The following CCDC149 variants were observed in gnomAD, a reference collection of about 807,000 sequenced individuals.
CCDC149 encodes coiled-coil domain-containing protein 149.
In CCDC149, 45 loss-of-function variants were observed where a neutral mutation model predicts 59.9. The observed-to-expected ratio is 0.75, with a 90% CI of 0.59 to 0.96. The LOEUF is 0.96. CCDC149 is among the 40% of genes least tolerant of loss of function. CCDC149 has a pLI of 0.00. For synonymous variants in CCDC149, 245 were observed against 260.6 expected (o/e 0.94, Z 0.58); for missense variants, 584 against 664.7 (o/e 0.88, Z 1.33).
chr4:24,804,915 T>C (rs960118773), downstream of CCDC149, among the ~76,000 whole-genome samples: 8 of 152,118 alleles, frequency 5.3e-5, no homozygotes, highest in Non-Finnish European at 8.8e-5. Flanking sequence ...CCAGCCGGCA[T>C]TGAGCTGAGG....
chr4:24,882,008 T>C (rs1265721564), intron 1 of CCDC149, among the ~76,000 whole-genome samples: 1 of 152,154 alleles, frequency 6.6e-6, no homozygotes, highest in African/African-American at 2.4e-5. Flanking sequence ...AAAATCAGAA[T>C]ATTCATGGAG....
At chr4:24,821,195 C>A in intron 10 of CCDC149, 108 bp from the exon 11 acceptor site, 1 of 465,910 alleles carries the variant, frequency 2.1e-6, no homozygotes, top group Non-Finnish European at 3.5e-6. Context: ...CATTTGTTCA[C>A]TCGAGTAACT....
intron 2 of CCDC149, among the ~76,000 whole-genome samples, 194 bp downstream of exon 2, chr4:24,876,324 CACACACACACACACACAG>C (rs1346126238): frequency 2.0e-5 from 3 of 150,706 alleles, no homozygotes; most frequent in African/African-American, 7.4e-5. Flanking sequence ...CACACACACA[CACACACACACACACACAG>C]AGAGAGAGAG....
intron 1 of CCDC149, among the ~76,000 whole-genome samples, chr4:24,969,415 A>G (rs1723896348): frequency 6.6e-6 from 1 of 152,212 alleles, no homozygotes; most frequent in Non-Finnish European, 1.5e-5. Context: ...TGATAGGGGA[A>G]CACATTTCAC....
chr4:24,851,977 G>T (rs929151230), intron 4 of CCDC149, among the ~76,000 whole-genome samples: 1 of 151,606 alleles, frequency 6.6e-6, no homozygotes, highest in African/African-American at 2.4e-5. Context: ...AATCCAAGAG[G>T]TTAAAAAAAT....
intron 1 of CCDC149, among the ~76,000 whole-genome samples, chr4:24,889,724 T>C (rs2109281321): frequency 6.6e-6 from 1 of 152,344 alleles, no homozygotes; most frequent in South Asian, 2.1e-4. Context: ...GGGCTTTCCT[T>C]GTGGGCTGTG....
intron 1 of CCDC149, among the ~76,000 whole-genome samples, chr4:24,905,766 A>G (rs1410882316): frequency 6.6e-6 from 1 of 152,226 alleles, no homozygotes; most frequent in Non-Finnish European, 1.5e-5. Flanking sequence ...ACCCTCCCAA[A>G]TTAAACATGG....
chr4:24,815,067 T>C (rs1488740069), intron 12 of CCDC149, among the ~76,000 whole-genome samples: 1 of 152,248 alleles, frequency 6.6e-6, no homozygotes, highest in African/African-American at 2.4e-5. Context: ...CCTTGTTCCA[T>C]AGTGGGGACT....
intron 7 of CCDC149, among the ~76,000 whole-genome samples, chr4:24,835,378 A>G (rs1223163769): frequency 6.6e-6 from 1 of 152,226 alleles, no homozygotes; most frequent in Non-Finnish European, 1.5e-5. Context: ...CTGAATAGAC[A>G]TGAGATGGTG....
At chr4:24,874,625 G>T (rs1184921168) in intron 2 of CCDC149, among the ~76,000 whole-genome samples, 2 of 152,050 alleles carry the variant, frequency 1.3e-5, no homozygotes, top group African/African-American at 4.8e-5. Flanking sequence ...TCCCTTTTGT[G>T]CCACATCAGG....
At chr4:24,838,800 A>C (rs1042185162) in intron 4 of CCDC149, among the ~76,000 whole-genome samples, 42 of 152,142 alleles carry the variant, frequency 2.8e-4, no homozygotes, top group African/African-American at 5.5e-4. Context: ...ACAAAAAAAA[A>C]CCAACTAGAA....
At chr4:24,951,213 A>G (rs905893694) in intron 1 of CCDC149, among the ~76,000 whole-genome samples, 2 of 152,234 alleles carry the variant, frequency 1.3e-5, no homozygotes, top group Non-Finnish European at 1.5e-5. Flanking sequence ...TCCACAGTCC[A>G]GATCTGCCTA....
chr4:24,804,486 CAAAAAAA>C (rs397796144), downstream of CCDC149, among the ~76,000 whole-genome samples: 7 of 57,130 alleles, frequency 1.2e-4, no homozygotes, highest in Admixed American at 5.3e-4. Context: ...GTGAGACTCT[CAAAAAAA>C]AAAAAAAAAA....
At chr4:24,977,146 T>TG in intron 1 of CCDC149, among the ~76,000 whole-genome samples, 2 of 152,246 alleles carry the variant, frequency 1.3e-5, no homozygotes. Context: ...GGGGTGGACA[T>TG]GGGACTTAGT....
At chr4:24,820,162 G>A in intron 11 of CCDC149, 187 bp from the exon 12 acceptor site, 2 of 526,264 alleles carry the variant, frequency 3.8e-6, no homozygotes. Context: ...CCTAACCCTT[G>A]CACACACACA....
chr4:24,887,817 A>G (rs572491524), intron 1 of CCDC149, among the ~76,000 whole-genome samples: 1 of 152,002 alleles, frequency 6.6e-6, no homozygotes, highest in South Asian at 2.1e-4. Context: ...TAAAAAAAAA[A>G]AAATCTCTGA....
intron 6 of CCDC149, 78 bp from the exon 7 acceptor site, chr4:24,836,586 CA>C: frequency 1.1e-6 from 1 of 899,270 alleles, no homozygotes; most frequent in Non-Finnish European, 1.8e-6. Context: ...GGGGAAAAAA[CA>C]AAAACCACTT....
In CCDC149 at chr4:24,919,270, C is replaced by T. The variant is rs185966506; in HGVS notation, c.-64-24152G>A. 1.7e-4 allele frequency among the ~76,000 whole-genome samples: 26 copies of T among 152,258 alleles called. 1 individual carries two copies. Among genetic ancestry groups the T allele is most frequent in the African/African-American group, 6.0e-4 (25 of 41,552 alleles). On this transcript the variant is annotated intron_variant, in intron 1 of 12. Coordinates refer to the CCDC149 transcript ENST00000389609. ...GTGAGGATGACAACCAGGACACAGA[C>T]CTCTGTCCTCAAGGCTTTTGGAGTA... is the stretch of plus-strand genomic sequence containing the variant.
chr4:24,820,430 C>A lies in CCDC149; in HGVS notation c.1076-455G>T, dbSNP rs1715317718. On this transcript the variant is annotated intron_variant, in intron 11 of 12. Transcript: ENST00000635206. ...GTGTTGGTAAATGAGAGAGAGTTGG[C>A]AATTCTTTGATGTCACTGGAACTCT... 2.0e-5 allele frequency among the ~76,000 whole-genome samples: 3 copies of A among 152,014 alleles called. No homozygotes were observed. The South Asian group carries it at 6.2e-4, about 32-fold the overall frequency.
Sources: gnomAD v4.1 joint callset for allele counts (sites outside exome capture counted in the v4.1 genomes callset) on GRCh38, gnomAD v4.1.1 for gene constraint, MANE v1.5 for transcripts, NCBI Gene and HGNC (gene_info 2026-07-23, HGNC 2026-07-21) for gene names.